Variants in RELB observed in about 807,000 individuals in gnomAD.
The protein encoded by RELB is transcription factor RelB.
In RELB, 14 loss-of-function variants were observed where a neutral mutation model predicts 55.4. The observed-to-expected ratio is 0.25, with a 90% CI of 0.17 to 0.40. RELB has a LOEUF of 0.40. Ranked by LOEUF, RELB falls within the 10% of genes least tolerant of loss-of-function variation. The pLI, the probability that RELB is intolerant of heterozygous loss-of-function variation, is 1.00. For synonymous variants in RELB, 409 were observed against 371.3 expected (o/e 1.10, Z -1.17); for missense variants, 669 against 830.7 (o/e 0.81, Z 2.39).
intron 1 of RELB, among the ~76,000 whole-genome samples, 189 bp from the exon 2 acceptor site, chr19:45,002,760 G>T (rs993716350): frequency 6.6e-6 from 1 of 152,168 alleles, no homozygotes; most frequent in African/African-American, 2.4e-5. Flanking sequence ...GCGAACCACA[G>T]AAACTAAAGG....
intron 5 of RELB, among the ~76,000 whole-genome samples, chr19:45,023,662 T>A (rs966427901): frequency 4.7e-5 from 7 of 149,846 alleles, no homozygotes; most frequent in African/African-American, 1.7e-4. Flanking sequence ...ATGGTTACCA[T>A]CTCCTGACCT....
At chr19:45,001,716 C>T in intron 1 of RELB, 31 bp downstream of exon 1, 2 of 1,369,052 alleles carry the variant, frequency 1.5e-6, no homozygotes, top group Admixed American at 2.3e-5. Flanking sequence ...GGAGAGGGGT[C>T]TGGGGCGGGG....
intron 8 of RELB, among the ~76,000 whole-genome samples, chr19:45,030,111 G>A (rs1971602984): frequency 6.6e-6 from 1 of 152,092 alleles, no homozygotes; most frequent in Non-Finnish European, 1.5e-5. Flanking sequence ...AGGCTGCAGT[G>A]AGCCAAGATT....
In RELB at chr19:45,012,052, A is replaced by G; in HGVS notation, c.280A>G (p.Thr94Ala). 1 of 1,562,522 alleles carries G rather than the reference A, an allele frequency of 6.4e-7. No individual in the cohort carries two copies. The highest frequency in any genetic ancestry group is 8.6e-7 in the Non-Finnish European group (1 of 1,158,014). The change falls in exon 4 of 12, where the codon ACC becomes GCC. Residue 94 changes from threonine to alanine, a missense_variant. Physicochemically the swap from Thr to Ala is moderately conservative, Grantham distance 58 (BLOSUM62 0). Around this residue, in one of 3 missense-constraint regions of RELB, gnomAD observed 323 missense variants for 368.5 expected, o/e 0.88. Coordinates refer to ENST00000221452, the MANE Select transcript of RELB (RefSeq NM_006509.4). ...SRGAASLSTV[T>A]LGPVAPPATP... ...CGGGGCTGCGTCCCTGAGCACGGTC[A>G]CCCTGGGCCCTGTGGCGCCCCCAGC... is the stretch of plus-strand genomic sequence containing the variant.
intron 11 of RELB, 64 bp from the exon 12 acceptor site, chr19:45,037,341 T>C (rs1971700291): frequency 1.6e-5 from 24 of 1,465,222 alleles, no homozygotes; most frequent in Non-Finnish European, 2.1e-5. Flanking sequence ...GGGCATTTGA[T>C]TTAGGGCCTG....
intron 3 of RELB, among the ~76,000 whole-genome samples, chr19:45,010,247 C>T (rs548362483): frequency 5.4e-4 from 82 of 150,540 alleles, no homozygotes; most frequent in African/African-American, 2.0e-3. Context: ...CCTTGGAAGC[C>T]GAGGCTGCAG....
intron 4 of RELB, among the ~76,000 whole-genome samples, chr19:45,014,526 G>T (rs1178436397): frequency 1.2e-5 from 1 of 83,632 alleles, no homozygotes; most frequent in Non-Finnish European, 2.5e-5. Flanking sequence ...TTTGTTTTTT[G>T]GTTTTTTTTT....
chr19:45,003,549 A>G (rs34954522), intron 2 of RELB: 6,086 of 515,554 alleles, frequency 0.012, 295 homozygotes, highest in African/African-American at 0.1. Flanking sequence ...GCTTCTTTAG[A>G]GATTCACTGT....
chr19:45,002,472 C>T (rs1326045075), intron 1 of RELB, among the ~76,000 whole-genome samples: 2 of 152,168 alleles, frequency 1.3e-5, no homozygotes, highest in African/African-American at 2.4e-5. Context: ...CCTGCCTCAG[C>T]CCCCCGAGTA....
chr19:45,019,125 C>T (rs947081011), intron 4 of RELB, among the ~76,000 whole-genome samples: 1 of 152,100 alleles, frequency 6.6e-6, no homozygotes, highest in African/African-American at 2.4e-5. Context: ...TACAGTGACG[C>T]CATCACAGCT....
intron 2 of RELB, among the ~76,000 whole-genome samples, chr19:45,004,286 G>A (rs1303718945): frequency 2.1e-5 from 3 of 145,038 alleles, no homozygotes; most frequent in East Asian, 4.2e-4. Flanking sequence ...ACAATGGCGC[G>A]ATCTCGGCTC....
rs1305928789 is a variant in RELB, at chr19:45,034,328, C to T, written c.1276+16C>T. 2.5e-6 allele frequency: 4 copies of T among 1,612,348 alleles called. 1 individual carries two copies. The South Asian group carries it at 4.4e-5, about 18-fold the overall frequency. Reference sequence around the variant, plus strand: ...AACAGCTCTGGTGTGTGCCCTCTGCCCCTTTCCACCCCCATCCCCAGGTTC... The same window carrying T: ...AACAGCTCTGGTGTGTGCCCTCTGCTCCTTTCCACCCCCATCCCCAGGTTC... On this transcript the variant is annotated intron_variant, in intron 10 of 11. Coordinates refer to ENST00000221452, the MANE Select transcript of RELB (RefSeq NM_006509.4).
intron 2 of RELB, among the ~76,000 whole-genome samples, chr19:45,004,491 T>C (rs537172771): frequency 6.6e-6 from 1 of 151,290 alleles, no homozygotes; most frequent in East Asian, 2.0e-4. Flanking sequence ...CCCAAAGTGC[T>C]GGGATTACAG....
At chr19:45,005,773 T>C (rs1600061627) in intron 2 of RELB, among the ~76,000 whole-genome samples, 1 of 152,248 alleles carries the variant, frequency 6.6e-6, no homozygotes, top group East Asian at 1.9e-4. Context: ...CCACCTAATT[T>C]TTGTATTTTT....
At chr19:45,016,062 G>A (rs917519451) in intron 4 of RELB, among the ~76,000 whole-genome samples, 12 of 151,786 alleles carry the variant, frequency 7.9e-5, no homozygotes, top group Admixed American at 7.2e-4. Flanking sequence ...GCAGTGGCAT[G>A]CAACCTCCGC....
chr19:45,019,578 TG>T (rs1477963635), intron 4 of RELB, among the ~76,000 whole-genome samples: 1 of 152,192 alleles, frequency 6.6e-6, no homozygotes, highest in Non-Finnish European at 1.5e-5. Flanking sequence ...GTTTTATAGT[TG>T]TTTCTTCCTC....
intron 2 of RELB, among the ~76,000 whole-genome samples, chr19:45,003,724 G>A (rs1029763294): frequency 2.0e-5 from 3 of 151,438 alleles, no homozygotes; most frequent in Non-Finnish European, 4.4e-5. Flanking sequence ...TCTCTTTCAG[G>A]GAAATTGAGA....
chr19:45,037,348 C>G, intron 11 of RELB, 57 bp from the exon 12 acceptor site: 2 of 1,469,786 alleles, frequency 1.4e-6, no homozygotes, highest in South Asian at 2.7e-5. Context: ...TGATTTAGGG[C>G]CTGATCAGAA....
chr19:45,026,070 C>G (rs575011138), intron 7 of RELB, among the ~76,000 whole-genome samples: 1 of 152,286 alleles, frequency 6.6e-6, no homozygotes, highest in South Asian at 2.1e-4. Context: ...ATGCCAAAAC[C>G]CTGTCTACTA....
Sources: allele counts gnomAD v4.1 joint callset (sites outside exome capture counted in the v4.1 genomes callset), GRCh38; gene constraint gnomAD v4.1.1; regional missense constraint gnomAD v4.1.1; transcripts MANE v1.5; gene names NCBI Gene and HGNC (gene_info 2026-07-23, HGNC 2026-07-21).